Variants in TMEM266 observed in about 807,000 individuals in gnomAD.
TMEM266 encodes Hv1 related protein 1.
Under a neutral mutation model 50.5 loss-of-function variants are expected in TMEM266, and 33 were observed. The observed-to-expected ratio is 0.65, with a 90% CI of 0.50 to 0.87. The LOEUF is 0.87. Ranked by LOEUF, TMEM266 falls within the 40% of genes least tolerant of loss-of-function variation. The pLI, the probability that TMEM266 is intolerant of heterozygous loss-of-function variation, is 0.00. For synonymous variants in TMEM266, 310 were observed against 292.3 expected, an observed-to-expected ratio of 1.06 and a Z score of -0.62; for missense variants, 655 against 695.1, an observed-to-expected ratio of 0.94 and a Z score of 0.65.
At chr15:76,138,413 G>A (rs977830808) in intron 3 of TMEM266, among the ~76,000 whole-genome samples, 4 of 152,088 alleles carry the variant, frequency 2.6e-5, no homozygotes, top group East Asian at 1.9e-4. Context: ...CCTGCCAGAC[G>A]ACCTCTTAGG....
At chr15:76,171,183 C>A in intron 7 of TMEM266, 52 bp downstream of exon 7, 1 of 1,597,236 alleles carries the variant, frequency 6.3e-7, no homozygotes. Flanking sequence ...GAAAGTGGGG[C>A]TTTCAACTGA....
At chr15:76,116,014 C>A (rs564586188) in intron 1 of TMEM266, among the ~76,000 whole-genome samples, 72 of 152,254 alleles carry the variant, frequency 4.7e-4, no homozygotes, top group African/African-American at 1.6e-3. Context: ...CCCCGCCCCC[C>A]ACATTCAGTG....
At chr15:76,192,218 T>C in intron 9 of TMEM266, 61 bp downstream of exon 9, 1 of 1,369,312 alleles carries the variant, frequency 7.3e-7, no homozygotes, top group South Asian at 1.6e-5. Flanking sequence ...CTCGCCTCCC[T>C]CTCGCGCCCC....
chr15:76,136,222 C>T (rs919291323), intron 2 of TMEM266, among the ~76,000 whole-genome samples: 2 of 152,104 alleles, frequency 1.3e-5, no homozygotes, highest in Non-Finnish European at 2.9e-5. Context: ...GGATTACAGG[C>T]GTGAGCCACC....
chr15:76,060,256 A>G (rs2036272258), intron 1 of TMEM266, among the ~76,000 whole-genome samples: 1 of 150,944 alleles, frequency 6.6e-6, no homozygotes, highest in South Asian at 2.1e-4. Flanking sequence ...CTTCTTATTT[A>G]TTTTTGCAAA....
chr15:76,178,294 A>T (rs146898641), intron 8 of TMEM266, among the ~76,000 whole-genome samples: 1,575 of 152,206 alleles, frequency 0.01, 24 homozygotes, highest in African/African-American at 0.036. Context: ...CTGGAGAAGA[A>T]GGTGAGAGAA....
At chr15:76,144,877 C>T (rs1048633591) in intron 3 of TMEM266, among the ~76,000 whole-genome samples, 4 of 152,230 alleles carry the variant, frequency 2.6e-5, no homozygotes, top group Admixed American at 1.3e-4. Flanking sequence ...ACATGGATAA[C>T]CTCAGGGGCC....
intron 3 of TMEM266, among the ~76,000 whole-genome samples, chr15:76,150,357 T>G (rs2037819839): frequency 6.6e-6 from 1 of 152,206 alleles, no homozygotes. Flanking sequence ...AGTCTCATTT[T>G]GATCACCTCC....
chr15:76,203,957 C>T lies in TMEM266; in HGVS notation c.1238C>T (p.Thr413Ile). ...CTGGGCTCCTCCATGGACTGCAGCA[C>T]TGCCCGCGAGGAGCCGTCCTCTGAG... The change falls in exon 11 of 11, where the codon ACT becomes ATT. Residue 413 changes from threonine (T) to isoleucine (I), a missense_variant. This residue lies in a region of TMEM266 where 455 missense variants were observed against 401.8 expected (regional missense o/e 1.13). Transcript: ENST00000388942. The T allele has an allele frequency of 6.2e-7, 1 of 1,613,108 alleles. No homozygotes were observed. The highest frequency in any genetic ancestry group is 8.5e-7 in the Non-Finnish European group (1 of 1,179,392).
chr15:76,100,901 A>T (rs966022050), intron 1 of TMEM266, among the ~76,000 whole-genome samples: 1 of 152,172 alleles, frequency 6.6e-6, no homozygotes, highest in African/African-American at 2.4e-5. Context: ...GAAAGACCAC[A>T]ACTAAATTTC....
intron 1 of TMEM266, among the ~76,000 whole-genome samples, chr15:76,090,716 C>T (rs1270199083): frequency 6.6e-6 from 1 of 151,702 alleles, no homozygotes; most frequent in Non-Finnish European, 1.5e-5. Flanking sequence ...AATCTGAGCT[C>T]ATAGAAGTAG....
intron 2 of TMEM266, among the ~76,000 whole-genome samples, chr15:76,136,966 G>A (rs905909379): frequency 1.3e-5 from 2 of 152,190 alleles, no homozygotes; most frequent in Admixed American, 1.3e-4. Flanking sequence ...TGAGATGCCC[G>A]GGAATGCCAC....
At chr15:76,078,170 A>G (rs2141988854) in intron 1 of TMEM266, among the ~76,000 whole-genome samples, 1 of 152,130 alleles carries the variant, frequency 6.6e-6, no homozygotes, top group Non-Finnish European at 1.5e-5. Context: ...GCTGGAGACA[A>G]AAGCTTTGTT....
chr15:76,074,615 G>A (rs1445020655), intron 1 of TMEM266, among the ~76,000 whole-genome samples: 1 of 152,082 alleles, frequency 6.6e-6, no homozygotes, highest in Non-Finnish European at 1.5e-5. Flanking sequence ...TGGAAAGGGA[G>A]AATTTAGGGC....
chr15:76,199,654 G>A (rs2038710998), intron 9 of TMEM266, among the ~76,000 whole-genome samples: 1 of 152,164 alleles, frequency 6.6e-6, no homozygotes, highest in South Asian at 2.1e-4. Flanking sequence ...CGGATCTCGG[G>A]GCACTTGGCA....
chr15:76,093,597 A>G (rs2036883517), intron 1 of TMEM266, among the ~76,000 whole-genome samples: 1 of 152,070 alleles, frequency 6.6e-6, no homozygotes, highest in Non-Finnish European at 1.5e-5. Context: ...TCTTTATAGT[A>G]GCATGATTTA....
chr15:76,202,200 A>T lies in TMEM266; in HGVS notation c.959-2A>T. ...CACCCTTCTCTGTCCCCACCTCTGT[A>T]GAAGCCACGATGAAGGACGACATGA... On this transcript the variant is annotated splice_acceptor_variant, in intron 9 of 10. Coordinates refer to ENST00000388942, the MANE Select transcript of TMEM266 (RefSeq NM_152335.3). LOFTEE classifies it high-confidence loss of function. 1 of 1,613,364 alleles carries T rather than the reference A, an allele frequency of 6.2e-7. No homozygotes were observed. Among genetic ancestry groups the T allele is most frequent in the Non-Finnish European group, 8.5e-7 (1 of 1,179,440 alleles).
intron 1 of TMEM266, among the ~76,000 whole-genome samples, chr15:76,125,700 T>C (rs2037410313): frequency 6.6e-6 from 1 of 151,468 alleles, no homozygotes; most frequent in South Asian, 2.1e-4. Flanking sequence ...ATACAAAAAT[T>C]AGCCAGGCCT....
intron 2 of TMEM266, 34 bp from the exon 3 acceptor site, chr15:76,137,673 A>C: frequency 6.2e-7 from 1 of 1,605,254 alleles, no homozygotes; most frequent in Non-Finnish European, 8.5e-7. Context: ...CCTTGAAGAT[A>C]ACTCTTTCCC....
Sources: allele counts gnomAD v4.1 joint callset (sites outside exome capture counted in the v4.1 genomes callset), GRCh38; gene constraint gnomAD v4.1.1; regional missense constraint gnomAD v4.1.1; transcripts MANE v1.5; gene names NCBI Gene and HGNC (gene_info 2026-07-23, HGNC 2026-07-21).